PRR11: variants seen among roughly 807,000 people sequenced by gnomAD.
PRR11 encodes proline rich 11.
In PRR11, 30 loss-of-function variants were observed where a neutral mutation model predicts 45.6. The ratio of observed to expected loss-of-function variants is 0.66; its 90% CI spans 0.49 to 0.89. PRR11 has a LOEUF of 0.89. Among genes scored for constraint, PRR11 ranks in the 40% least tolerant of loss-of-function variants. The pLI is 0.00. For synonymous variants in PRR11, 128 were observed against 153.5 expected (o/e 0.83, Z 1.23); for missense variants, 373 against 424.8 (o/e 0.88, Z 1.07).
At chr17:59,167,157 C>G (rs1207755454) in intron 1 of PRR11, among the ~76,000 whole-genome samples, 1 of 152,146 alleles carries the variant, frequency 6.6e-6, no homozygotes, top group Non-Finnish European at 1.5e-5. Context: ...GAGCAAGACT[C>G]TGTCTCTAAA....
intron 4 of PRR11, among the ~76,000 whole-genome samples, chr17:59,186,381 A>ATTTTTTTTTTTT (rs59082405): frequency 2.4e-5 from 2 of 84,608 alleles, no homozygotes; most frequent in African/African-American, 4.3e-5. Flanking sequence ...GCTGTTTGTA[A>ATTTTTTTTTTTT]TTTTTTTTTT....
chr17:59,179,531 C>T (rs775439200), intron 2 of PRR11: 13 of 1,343,864 alleles, frequency 9.7e-6, no homozygotes, highest in South Asian at 7.5e-5. Context: ...TGAGTCCTCC[C>T]GCATGGAGAG....
chr17:59,160,408 G>A (rs1347393767), intron 1 of PRR11, among the ~76,000 whole-genome samples: 6 of 151,974 alleles, frequency 3.9e-5, no homozygotes, highest in Admixed American at 3.9e-4. Flanking sequence ...TTGGTTTGGG[G>A]GTTTTTTCTT....
At position 59,197,711 on chromosome 17, in the gene PRR11, T is replaced by G. The variant is rs1459942253; in HGVS notation, c.936T>G (p.Pro312=). The change falls in exon 9 of 10, where the codon CCT becomes CCG. Residue 312 remains proline, a synonymous_variant. Coordinates refer to ENST00000262293, the MANE Select transcript of PRR11 (RefSeq NM_018304.4). ...TTTGCAGGAGCCCAGGTGGAACCCC[T>G]CTTACCAATAAGGAAAATATGGAAA... The part of the protein sequence containing the change: ...VDVERSPGGT[P]LTNKENMETG... The G allele has an allele frequency of 6.2e-7, 1 of 1,614,044 alleles. No homozygotes were observed. The highest frequency in any genetic ancestry group is 8.5e-7 in the Non-Finnish European group (1 of 1,179,990).
rs1205535819 is a variant in PRR11 at position 59,181,418 on chromosome 17, C to A, written c.129-3636C>A. The A allele has an allele frequency of 7.8e-6, 7 of 892,840 alleles. No homozygotes were observed. The South Asian group carries it at 8.2e-5, about 10-fold the overall frequency. The allele number at this position is 892,840 out of a possible 1,614,324, so 55.3% of individuals were successfully genotyped here. ...GCATGGAGAGCTCACCCACTGGGGG[C>A]ATATTTTTCCCATTGGAAAAGTGTG... On this transcript the variant is annotated intron_variant, in intron 2 of 9. Transcript: ENST00000262293.
At chr17:59,179,821 C>T in intron 2 of PRR11, 5 of 1,350,184 alleles carry the variant, frequency 3.7e-6, no homozygotes, top group Non-Finnish European at 5.2e-6. Flanking sequence ...CGTCCGACCA[C>T]TCCCTCTTCC....
In PRR11 at chr17:59,193,705, A is replaced by C; in HGVS notation, c.616A>C (p.Arg206=). The C allele has an allele frequency of 6.2e-7, 1 of 1,614,088 alleles. No individual in the cohort carries two copies. The highest frequency in any genetic ancestry group is 8.5e-7 in the Non-Finnish European group (1 of 1,179,916). ...PPPPLAPVLL[R]KPSLAKALQA... is the part of the protein sequence containing the mutation. ...ACCACCACTAGCACCTGTGTTGCTC[A>C]GAAAACCCAGTCTCGCTAAAGCACT... Residue 206 remains arginine, a synonymous_variant, in exon 5 of 10, where the codon AGA becomes CGA. Coordinates refer to ENST00000262293, the MANE Select transcript of PRR11 (RefSeq NM_018304.4).
intron 2 of PRR11, among the ~76,000 whole-genome samples, chr17:59,172,555 G>A (rs757349654): frequency 7.2e-5 from 11 of 152,242 alleles, no homozygotes; most frequent in Admixed American, 1.3e-4. Context: ...GGGGCTGCGC[G>A]CTGCGCTTGC....
chr17:59,188,942 A>AAATAATAATAAT (rs56917280), intron 4 of PRR11, among the ~76,000 whole-genome samples: 1,899 of 144,318 alleles, frequency 0.013, 18 homozygotes, highest in Non-Finnish European at 0.016. Context: ...TGTGTCTCAA[A>AAATAATAATAAT]AATAATAATA....
chr17:59,195,963 C>T (rs562254910), intron 7 of PRR11, among the ~76,000 whole-genome samples: 1 of 151,776 alleles, frequency 6.6e-6, no homozygotes, highest in South Asian at 2.1e-4. Flanking sequence ...TGGTGTGTGC[C>T]TGTAGTCCCA....
At chr17:59,159,351 T>C (rs541798876) in intron 1 of PRR11, among the ~76,000 whole-genome samples, 4 of 152,350 alleles carry the variant, frequency 2.6e-5, no homozygotes, top group African/African-American at 9.6e-5. Flanking sequence ...TATACACTTA[T>C]GAGTGCAGTA....
rs937350037 is a variant in PRR11 at position 59,185,611 on chromosome 17, CT to C, written c.402+56del. On this transcript the variant is annotated intron_variant, in intron 4 of 9. Coordinates refer to ENST00000262293, the MANE Select transcript of PRR11 (RefSeq NM_018304.4). ...AAATCTGGAATTAGGTAAGGAGACACTTTTTTTGAAAAGACTATTGCAATAG... is the reference window on the plus strand; with the variant it reads ...AAATCTGGAATTAGGTAAGGAGACACTTTTTTGAAAAGACTATTGCAATAG... 3.4e-6 allele frequency: 5 copies of C among 1,472,598 alleles called. No homozygotes were observed. The East Asian group carries it at 6.9e-5, about 20-fold the overall frequency. 91.2% of individuals were successfully genotyped at this position (1,472,598 alleles called of 1,614,324 possible).
At chr17:59,160,461 G>A (rs2046645777) in intron 1 of PRR11, among the ~76,000 whole-genome samples, 1 of 152,060 alleles carries the variant, frequency 6.6e-6, no homozygotes, top group African/African-American at 2.4e-5. Context: ...AGTAGAAATG[G>A]GGTTTCACTG....
chr17:59,190,674 A>G (rs1054167465), intron 4 of PRR11, among the ~76,000 whole-genome samples: 2 of 152,216 alleles, frequency 1.3e-5, no homozygotes, highest in African/African-American at 4.8e-5. Flanking sequence ...GATATTGTCA[A>G]CATTCTGGCT....
intron 2 of PRR11, chr17:59,179,572 G>A: frequency 6.8e-7 from 1 of 1,463,260 alleles, no homozygotes; most frequent in Non-Finnish European, 9.2e-7. Context: ...TTTTCCCATT[G>A]GAAAAGTGTG....
chr17:59,172,947 G>A (rs1265533543), intron 2 of PRR11, among the ~76,000 whole-genome samples: 5 of 152,244 alleles, frequency 3.3e-5, no homozygotes, highest in Admixed American at 3.3e-4. Context: ...CTGCCCTCCC[G>A]GTGCGAGATC....
intron 2 of PRR11, chr17:59,174,878 G>A (rs2046734558): frequency 3.3e-6 from 4 of 1,202,738 alleles, no homozygotes; most frequent in Non-Finnish European, 4.8e-6. Flanking sequence ...GGACTCCCCA[G>A]GATACCCCTC....
At chr17:59,174,179 G>GAA (rs1270487299) in intron 2 of PRR11, among the ~76,000 whole-genome samples, 2,803 of 152,282 alleles carry the variant, frequency 0.018, 92 homozygotes, top group African/African-American at 0.062. Flanking sequence ...CTTTGGGTGG[G>GAA]TCTGCCCAGG....
At position 59,201,669 on chromosome 17, in the gene PRR11, A is replaced by C; in HGVS notation, c.*38A>C. 6.3e-7 allele frequency: 1 copy of C among 1,599,604 alleles called. No individual in the cohort carries two copies. The highest frequency in any genetic ancestry group is 8.6e-7 in the Non-Finnish European group (1 of 1,167,910). ...CTCACTCCATGAGATGATCCATAAC[A>C]AATACAGATAAAAACACCCAGCTGG... On this transcript the variant is annotated 3_prime_UTR_variant, in exon 10 of 10. Transcript: ENST00000262293.
Sources: gnomAD v4.1 joint callset for allele counts (sites outside exome capture counted in the v4.1 genomes callset) on GRCh38, gnomAD v4.1.1 for gene constraint, MANE v1.5 for transcripts, NCBI Gene and HGNC (gene_info 2026-07-23, HGNC 2026-07-21) for gene names.